SENP1: variants seen among roughly 807,000 people sequenced by gnomAD.
SENP1 encodes SUMO specific peptidase 1.
In SENP1, 21 loss-of-function variants were observed where a neutral mutation model predicts 93.0. That is an observed-to-expected ratio of 0.23 (90% CI 0.16 to 0.33). SENP1 has a LOEUF of 0.33. Ranked by LOEUF, SENP1 falls within the 10% of genes least tolerant of loss-of-function variation. The pLI is 1.00. For missense variants in SENP1, 591 were observed against 758.7 expected (o/e 0.78, Z 2.60); for synonymous variants, 256 against 259.6 (o/e 0.99, Z 0.13).
At chr12:48,096,317 C>T (rs1024862693) in intron 4 of SENP1, 26 bp downstream of exon 4, 11 of 1,368,594 alleles carry the variant, frequency 8.0e-6, no homozygotes, top group Non-Finnish European at 1.0e-5. Context: ...GTATAAAGTC[C>T]CTTGACTCCA....
At chr12:48,100,098 A>G (rs1438685621) in intron 2 of SENP1, among the ~76,000 whole-genome samples, 1 of 152,212 alleles carries the variant, frequency 6.6e-6, no homozygotes, top group Non-Finnish European at 1.5e-5. Flanking sequence ...GCTAATGTGA[A>G]TGTAAAAGGA....
At chr12:48,101,434 G>C in intron 2 of SENP1, 35 bp downstream of exon 2, 1 of 1,558,248 alleles carries the variant, frequency 6.4e-7, no homozygotes, top group Admixed American at 1.9e-5. Context: ...ACCAATGAAA[G>C]TAGCTAAAAG....
chr12:48,101,809 T>C (rs941036628), intron 1 of SENP1, among the ~76,000 whole-genome samples: 3 of 152,084 alleles, frequency 2.0e-5, no homozygotes, highest in Non-Finnish European at 4.4e-5. Context: ...AGAGACTGAG[T>C]GGTTTGCATA....
intron 1 of SENP1, among the ~76,000 whole-genome samples, chr12:48,102,898 C>A (rs772077041): frequency 4.2e-4 from 64 of 151,878 alleles, no homozygotes; most frequent in Non-Finnish European, 7.7e-4. Context: ...CAGGAAGGAT[C>A]CCTAAAGAAT....
At chr12:48,072,487 C>G (rs969029242) in intron 8 of SENP1, among the ~76,000 whole-genome samples, 4 of 152,092 alleles carry the variant, frequency 2.6e-5, no homozygotes, top group Non-Finnish European at 5.9e-5. Context: ...CATAATGGCT[C>G]ACACCTGTAA....
chr12:48,059,624 T>G (rs904859239), intron 13 of SENP1, among the ~76,000 whole-genome samples: 1 of 152,184 alleles, frequency 6.6e-6, no homozygotes. Flanking sequence ...CTCATGTATG[T>G]CTGGTCATTT....
Position 48,074,619 on chromosome 12 carries a change from A to C in SENP1, c.657-12T>G. 6.2e-7 allele frequency: 1 copy of C among 1,610,078 alleles called. No individual in the cohort carries two copies. ...TAAGACATCGAGACCTAGCAAGAGA[A>C]GAATATTGTTTCAATATCAAGTAAT... is the stretch of plus-strand genomic sequence containing the variant. On this transcript the variant is annotated splice_polypyrimidine_tract_variant and intron_variant, in intron 7 of 17. Coordinates refer to ENST00000549518, the MANE Select transcript of SENP1 (RefSeq NM_001267594.2).
At chr12:48,060,137 T>A (rs1325175995) in intron 13 of SENP1, among the ~76,000 whole-genome samples, 1 of 152,222 alleles carries the variant, frequency 6.6e-6, no homozygotes, top group Non-Finnish European at 1.5e-5. Context: ...TTATTTCCCT[T>A]CCTCAGGGAT....
chr12:48,069,866 AGAACAT>A (rs1396849699), intron 9 of SENP1, among the ~76,000 whole-genome samples: 2 of 152,256 alleles, frequency 1.3e-5, no homozygotes, highest in African/African-American at 4.8e-5. Context: ...TTTAAAGCTT[AGAACAT>A]ATGGGGAGCT....
At chr12:48,058,241 C>T (rs759987942) in intron 13 of SENP1, among the ~76,000 whole-genome samples, 3 of 152,070 alleles carry the variant, frequency 2.0e-5, no homozygotes, top group Non-Finnish European at 2.9e-5. Context: ...CCACTGCACT[C>T]GGCCCATTTT....
At chr12:48,094,575 G>A (rs1317801558) in intron 4 of SENP1, among the ~76,000 whole-genome samples, 1 of 152,102 alleles carries the variant, frequency 6.6e-6, no homozygotes, top group Non-Finnish European at 1.5e-5. Context: ...AGCTACTCGG[G>A]AGGCTGAGGC....
chr12:48,046,891 G>T, intron 16 of SENP1, 87 bp downstream of exon 16: 1 of 838,740 alleles, frequency 1.2e-6, no homozygotes, highest in Non-Finnish European at 2.0e-6. Context: ...CACGAACACA[G>T]GTGGTCCCTG....
At chr12:48,076,023 G>A (rs1468638087) in intron 6 of SENP1, among the ~76,000 whole-genome samples, 1 of 152,180 alleles carries the variant, frequency 6.6e-6, no homozygotes, top group African/African-American at 2.4e-5. Flanking sequence ...AGAGTAGGAA[G>A]AAATGAGATC....
Position 48,098,137 on chromosome 12 carries a change from T to C in SENP1, c.5-13A>G. The C allele has an allele frequency of 6.2e-7, 1 of 1,609,808 alleles. No individual in the cohort carries two copies. The highest frequency in any genetic ancestry group is 8.5e-7 in the Non-Finnish European group (1 of 1,177,504). Reference sequence around the variant, plus strand: ...TCAGCAATATCATCTGGGGAGACAGTCTGGATTAGTTCAAGTCACATAATT... The same window carrying C: ...TCAGCAATATCATCTGGGGAGACAGCCTGGATTAGTTCAAGTCACATAATT... On this transcript the variant is annotated splice_polypyrimidine_tract_variant and intron_variant, in intron 2 of 17. Coordinates refer to ENST00000549518, the MANE Select transcript of SENP1 (RefSeq NM_001267594.2).
chr12:48,049,497 A>G (rs1211089765), intron 13 of SENP1, among the ~76,000 whole-genome samples: 4 of 152,206 alleles, frequency 2.6e-5, no homozygotes, highest in Non-Finnish European at 5.9e-5. Flanking sequence ...AATAATGCAC[A>G]TTAGCAGTTA....
At chr12:48,104,395 T>A (rs1453893377) in intron 1 of SENP1, among the ~76,000 whole-genome samples, 1 of 151,892 alleles carries the variant, frequency 6.6e-6, no homozygotes, top group Non-Finnish European at 1.5e-5. Context: ...ATCACCCTTT[T>A]CCAAGTTCTG....
intron 9 of SENP1, among the ~76,000 whole-genome samples, chr12:48,069,298 C>A (rs1943520298): frequency 6.6e-6 from 1 of 151,876 alleles, no homozygotes; most frequent in Admixed American, 6.6e-5. Flanking sequence ...ATAGCATATT[C>A]TGGGAAATAA....
intron 9 of SENP1, 145 bp downstream of exon 9, chr12:48,071,522 A>G: frequency 1.9e-6 from 1 of 535,216 alleles, no homozygotes; most frequent in East Asian, 3.3e-5. Flanking sequence ...AGGCTGAGGC[A>G]GAAGAATTGC....
At chr12:48,096,932 C>A (rs1040937564) in intron 3 of SENP1, among the ~76,000 whole-genome samples, 6 of 151,800 alleles carry the variant, frequency 4.0e-5, no homozygotes, top group African/African-American at 1.5e-4. Flanking sequence ...ATGGAGAGAC[C>A]CCGTCTCTAA....
Sources: gnomAD v4.1 joint callset for allele counts (sites outside exome capture counted in the v4.1 genomes callset) on GRCh38, gnomAD v4.1.1 for gene constraint, MANE v1.5 for transcripts, NCBI Gene and HGNC (gene_info 2026-07-23, HGNC 2026-07-21) for gene names.